The following CHN1 variants were observed in gnomAD, a reference collection of about 807,000 sequenced individuals.
The protein encoded by CHN1 is N-chimaerin.
A neutral mutation model predicts 59.5 loss-of-function variants in CHN1; 37 were observed. The observed-to-expected ratio is 0.62, with a 90% CI of 0.48 to 0.82. The LOEUF is 0.82. CHN1 is among the 40% of genes least tolerant of loss of function. The probability of loss-of-function intolerance (pLI) is 0.00; values close to 1 mark genes in which losing one functional copy is unlikely to be tolerated. For missense variants in CHN1, 469 were observed against 571.0 expected (o/e 0.82, Z 1.82); for synonymous variants, 206 against 200.4 (o/e 1.03, Z -0.24).
At chr2:174,915,535 A>G (rs1688822532) in intron 4 of CHN1, among the ~76,000 whole-genome samples, 1 of 152,104 alleles carries the variant, frequency 6.6e-6, no homozygotes, top group African/African-American at 2.4e-5. Flanking sequence ...AAACGCAGAA[A>G]ATGTATCCTA....
chr2:174,850,957 GA>G (rs1686710213), intron 6 of CHN1, among the ~76,000 whole-genome samples: 1 of 152,168 alleles, frequency 6.6e-6, no homozygotes, highest in Non-Finnish European at 1.5e-5. Context: ...TCACTTTATA[GA>G]TGAGGAAACT....
At chr2:174,990,262 T>TGTGAGAGA (rs1347961292) in intron 1 of CHN1, among the ~76,000 whole-genome samples, 1 of 89,442 alleles carries the variant, frequency 1.1e-5, no homozygotes, top group African/African-American at 4.7e-5. Context: ...TGTGTGTGTG[T>TGTGAGAGA]GAGAGAGAGA....
intron 1 of CHN1, among the ~76,000 whole-genome samples, chr2:174,989,601 G>GCAA (rs905762539): frequency 6.6e-6 from 1 of 151,988 alleles, no homozygotes; most frequent in African/African-American, 2.4e-5. Context: ...ACCAGCCTGG[G>GCAA]CAACACAGGG....
intron 6 of CHN1, among the ~76,000 whole-genome samples, chr2:174,852,947 A>C (rs1302142713): frequency 6.6e-6 from 1 of 152,228 alleles, no homozygotes; most frequent in African/African-American, 2.4e-5. Context: ...CATATACAAA[A>C]CTTAACATGG....
chr2:174,872,572 A>G (rs1430681888), intron 6 of CHN1, among the ~76,000 whole-genome samples: 2 of 152,204 alleles, frequency 1.3e-5, no homozygotes, highest in African/African-American at 4.8e-5. Flanking sequence ...CTTAAAAGTC[A>G]TTAGAGAATT....
chr2:174,980,109 T>G (rs2105448424), intron 1 of CHN1, among the ~76,000 whole-genome samples: 1 of 152,274 alleles, frequency 6.6e-6, no homozygotes, highest in Non-Finnish European at 1.5e-5. Flanking sequence ...TAGGGTATTC[T>G]TTTTCTCAAG....
intron 6 of CHN1, among the ~76,000 whole-genome samples, chr2:174,877,065 T>C (rs1439219428): frequency 6.6e-6 from 1 of 152,124 alleles, no homozygotes; most frequent in Admixed American, 6.5e-5. Flanking sequence ...TGCCCCCAAC[T>C]AAATGTCACA....
intron 7 of CHN1, chr2:174,846,267 T>C: frequency 2.6e-5 from 39 of 1,524,780 alleles, no homozygotes; most frequent in Non-Finnish European, 3.3e-5. Flanking sequence ...TCAAGTACAG[T>C]TGATAAACCA....
chr2:174,800,296 T>C lies in CHN1; in HGVS notation c.1209-9A>G. The C allele has an allele frequency of 1.4e-6, 2 of 1,431,666 alleles. No homozygotes were observed. The highest frequency in any genetic ancestry group is 1.8e-6 in the Non-Finnish European group (2 of 1,090,800). The allele number at this position is 1,431,666 out of a possible 1,614,324, so 88.7% of individuals were successfully genotyped here. ...TTTCGTGGAGGGTCACTCTGAAAAA[T>C]GCAAGTACAGGAATAAATGACTTTG... On this transcript the variant is annotated splice_polypyrimidine_tract_variant and intron_variant, in intron 12 of 12. Transcript: ENST00000409900.
intron 5 of CHN1, among the ~76,000 whole-genome samples, chr2:174,882,820 A>G (rs1446785713): frequency 6.6e-6 from 1 of 152,232 alleles, no homozygotes; most frequent in Non-Finnish European, 1.5e-5. Context: ...AGAAAATTTA[A>G]AACAGAAATA....
intron 1 of CHN1, among the ~76,000 whole-genome samples, chr2:174,964,409 T>C (rs551534270): frequency 4.0e-4 from 61 of 152,232 alleles, no homozygotes; most frequent in African/African-American, 1.3e-3. Flanking sequence ...CAGAGAACTA[T>C]TAAAAACAAA....
intron 6 of CHN1, among the ~76,000 whole-genome samples, chr2:174,871,079 C>A (rs1574109535): frequency 6.6e-6 from 1 of 151,812 alleles, no homozygotes; most frequent in African/African-American, 2.4e-5. Flanking sequence ...ATTTCCTGGG[C>A]CCCATTTGAG....
intron 6 of CHN1, among the ~76,000 whole-genome samples, chr2:174,852,750 A>T (rs536699752): frequency 3.3e-5 from 5 of 152,340 alleles, no homozygotes; most frequent in African/African-American, 1.2e-4. Context: ...CCAATGGAAG[A>T]GAGCAGAATA....
chr2:174,960,005 A>C, intron 1 of CHN1, among the ~76,000 whole-genome samples: 1 of 152,174 alleles, frequency 6.6e-6, no homozygotes, highest in East Asian at 1.9e-4. Context: ...GCAATAGTGT[A>C]GTTGGTTCTT....
chr2:174,864,642 G>A (rs150867279), intron 6 of CHN1, among the ~76,000 whole-genome samples: 1,637 of 152,156 alleles, frequency 0.011, 22 homozygotes, highest in African/African-American at 0.032. Context: ...AGGCTGAGGC[G>A]GGCAGACTGC....
chr2:174,864,828 G>A (rs1322253394), intron 6 of CHN1, among the ~76,000 whole-genome samples: 1 of 152,144 alleles, frequency 6.6e-6, no homozygotes, highest in African/African-American at 2.4e-5. Context: ...TCGCACTACT[G>A]TAGTCCAGCC....
At chr2:174,914,842 CAAAAAAA>C (rs577375465) in intron 5 of CHN1, among the ~76,000 whole-genome samples, 69 of 100,066 alleles carry the variant, frequency 6.9e-4, no homozygotes, top group Non-Finnish European at 9.8e-4. Flanking sequence ...AGATTCCATT[CAAAAAAA>C]AAAAAAAAAA....
At chr2:174,995,490 T>C (rs1362614091) in intron 1 of CHN1, among the ~76,000 whole-genome samples, 3 of 152,166 alleles carry the variant, frequency 2.0e-5, no homozygotes, top group Non-Finnish European at 4.4e-5. Flanking sequence ...GCAAAGGGAA[T>C]GTTTTGGGAT....
chr2:174,811,250 A>G (rs1363058373), intron 10 of CHN1: 3 of 333,460 alleles, frequency 9.0e-6, no homozygotes, highest in African/African-American at 4.3e-5. Flanking sequence ...CTCTGTATGT[A>G]TTTTGGTGAA....
Sources: allele counts gnomAD v4.1 joint callset (sites outside exome capture counted in the v4.1 genomes callset), GRCh38; gene constraint gnomAD v4.1.1; transcripts MANE v1.5; gene names NCBI Gene and HGNC (gene_info 2026-07-23, HGNC 2026-07-21).